The following GALNT13 variants were observed in gnomAD, a reference collection of about 807,000 sequenced individuals.
GALNT13 encodes UDP-GalNAc:polypeptide N-acetylgalactosaminyltransferase 13.
GALNT13 carries 28 observed loss-of-function variants against 64.2 expected under a neutral mutation model. That is an observed-to-expected ratio of 0.44 (90% CI 0.32 to 0.60). GALNT13 has a LOEUF of 0.60. Among genes scored for constraint, GALNT13 ranks in the 20% least tolerant of loss-of-function variants. GALNT13 has a pLI of 0.05. For synonymous variants in GALNT13, 214 were observed against 224.6 expected (o/e 0.95, Z 0.42); for missense variants, 577 against 669.8 (o/e 0.86, Z 1.53).
chr2:153,166,732 A>T, the GALNT13 span, among the ~76,000 whole-genome samples: 1 of 150,768 alleles, frequency 6.6e-6, no homozygotes, highest in Non-Finnish European at 1.5e-5. Context: ...GTTCTCAAGG[A>T]CACCTGCTCT....
At chr2:154,089,316 A>T (rs766166498) in intron 3 of GALNT13, among the ~76,000 whole-genome samples, 16 of 151,974 alleles carry the variant, frequency 1.1e-4, no homozygotes, top group Non-Finnish European at 2.1e-4. Context: ...CGGTGGAGTG[A>T]TAACATCTGG....
the GALNT13 span, among the ~76,000 whole-genome samples, chr2:153,281,486 A>G: frequency 6.6e-6 from 1 of 152,186 alleles, no homozygotes; most frequent in Non-Finnish European, 1.5e-5. Context: ...GTCTTGGGCT[A>G]TGAACTAAGT....
chr2:154,320,099 C>T (rs1035018584), intron 9 of GALNT13, among the ~76,000 whole-genome samples: 1 of 151,952 alleles, frequency 6.6e-6, no homozygotes, highest in Admixed American at 6.6e-5. Flanking sequence ...GGATCTGACT[C>T]TTAAAAAATG....
intron 9 of GALNT13, among the ~76,000 whole-genome samples, chr2:154,391,107 A>G (rs1698771011): frequency 6.6e-6 from 1 of 152,094 alleles, no homozygotes; most frequent in African/African-American, 2.4e-5. Flanking sequence ...GATTTATCTT[A>G]CTTCTATATT....
chr2:154,039,688 C>A (rs1206793383), intron 3 of GALNT13, among the ~76,000 whole-genome samples: 2 of 139,050 alleles, frequency 1.4e-5, no homozygotes, highest in African/African-American at 4.9e-5. Flanking sequence ...GGAAAAAGTT[C>A]TAGTGTTCTG....
chr2:153,174,317 T>C, the GALNT13 span, among the ~76,000 whole-genome samples: 85,411 of 152,040 alleles, frequency 0.56, 24,430 homozygotes, highest in East Asian at 0.74. Context: ...GACAGTGTTC[T>C]TTCTTTTTAA....
At chr2:153,947,292 A>G (rs1007318341) in intron 3 of GALNT13, among the ~76,000 whole-genome samples, 5 of 152,004 alleles carry the variant, frequency 3.3e-5, no homozygotes, top group Non-Finnish European at 7.4e-5. Flanking sequence ...TCAAATATAT[A>G]GTAAACATTT....
At chr2:153,752,410 T>C in the GALNT13 span, among the ~76,000 whole-genome samples, 6 of 152,138 alleles carry the variant, frequency 3.9e-5, no homozygotes, top group Non-Finnish European at 7.4e-5. Context: ...TAACATTTTT[T>C]ACAGGACAGG....
At chr2:154,225,126 A>AGAT (rs906392737) in intron 4 of GALNT13, among the ~76,000 whole-genome samples, 14 of 141,918 alleles carry the variant, frequency 9.9e-5, no homozygotes, top group African/African-American at 3.4e-4. Flanking sequence ...ATAGATAGAT[A>AGAT]GATAGATAGA....
the GALNT13 span, among the ~76,000 whole-genome samples, chr2:153,156,341 ACTTT>A: frequency 6.6e-6 from 1 of 152,144 alleles, no homozygotes; most frequent in Non-Finnish European, 1.5e-5. Flanking sequence ...GTTTTGACAC[ACTTT>A]CTATTACAGG....
In GALNT13 at chr2:154,326,449, CTTG is replaced by C. The variant is rs201305846; in HGVS notation, c.1156+24864_1156+24866del. Among the ~76,000 whole-genome samples, 1,397 of 151,852 alleles carry C rather than the reference CTTG, an allele frequency of 9.2e-3. 14 individuals carry two copies. The highest frequency in any genetic ancestry group is 0.015 in the Non-Finnish European group (1,033 of 67,936). ...ACATAGTTGTACAAATAAATTATTA[CTTG>C]TTGATGTGAAATCCAAATTTAACTG... On this transcript the variant is annotated intron_variant, in intron 9 of 12. Coordinates refer to ENST00000392825, the MANE Select transcript of GALNT13 (RefSeq NM_052917.4).
At chr2:154,309,107 G>T (rs1693895613) in intron 9 of GALNT13, among the ~76,000 whole-genome samples, 1 of 152,110 alleles carries the variant, frequency 6.6e-6, no homozygotes, top group Admixed American at 6.6e-5. Context: ...GTTAAAGTGT[G>T]AACTATCTAC....
the GALNT13 span, among the ~76,000 whole-genome samples, chr2:153,209,480 T>C: frequency 6.6e-6 from 1 of 152,220 alleles, no homozygotes; most frequent in African/African-American, 2.4e-5. Flanking sequence ...TTACTGATCA[T>C]GTATGTGTGT....
the GALNT13 span, among the ~76,000 whole-genome samples, chr2:153,486,370 A>C: frequency 1.3e-5 from 2 of 152,154 alleles, no homozygotes; most frequent in East Asian, 3.9e-4. Flanking sequence ...GGTAGATCAG[A>C]GGAAAAATAA....
At chr2:154,119,308 A>G (rs1050148304) in intron 3 of GALNT13, among the ~76,000 whole-genome samples, 23 of 152,096 alleles carry the variant, frequency 1.5e-4, no homozygotes, top group African/African-American at 5.3e-4. Flanking sequence ...TGACAGTTCT[A>G]TTGCCATTCA....
At chr2:154,242,661 C>A in intron 5 of GALNT13, 37 bp from the exon 6 acceptor site, 1 of 1,442,216 alleles carries the variant, frequency 6.9e-7, no homozygotes, top group Non-Finnish European at 9.6e-7. Context: ...AAAACAGTTT[C>A]AAAAATTTTT....
intron 3 of GALNT13, among the ~76,000 whole-genome samples, chr2:153,947,775 G>A (rs1390013774): frequency 6.6e-6 from 1 of 151,914 alleles, no homozygotes; most frequent in Non-Finnish European, 1.5e-5. Context: ...GTCCTGGATG[G>A]TATTGCCTAG....
intron 8 of GALNT13, among the ~76,000 whole-genome samples, chr2:154,264,604 T>G (rs2105910834): frequency 6.6e-6 from 1 of 151,756 alleles, no homozygotes; most frequent in South Asian, 2.1e-4. Context: ...GACACTGCAC[T>G]CCCGTCTGGA....
chr2:153,878,520 T>A (rs1426039941), intron 1 of GALNT13, among the ~76,000 whole-genome samples: 2 of 152,228 alleles, frequency 1.3e-5, no homozygotes, highest in African/African-American at 4.8e-5. Context: ...GCACTTGCTT[T>A]AGCCTTAGTT....
Sources: allele counts gnomAD v4.1 joint callset (sites outside exome capture counted in the v4.1 genomes callset), GRCh38; gene constraint gnomAD v4.1.1; transcripts MANE v1.5; gene names NCBI Gene and HGNC (gene_info 2026-07-23, HGNC 2026-07-21).